The following EPM2AIP1 variants were observed in gnomAD, a reference collection of about 807,000 sequenced individuals.
The protein encoded by EPM2AIP1 is EPM2A interacting protein 1, also known as EPM2A-interacting protein 1.
A neutral mutation model predicts 44.8 loss-of-function variants in EPM2AIP1; 23 were observed. The observed-to-expected ratio is 0.51, with a 90% CI of 0.37 to 0.73. The LOEUF (loss-of-function observed/expected upper bound fraction) is 0.73. EPM2AIP1 is among the 30% of genes least tolerant of loss of function. The pLI, the probability that EPM2AIP1 is intolerant of heterozygous loss-of-function variation, is 0.00. For synonymous variants in EPM2AIP1, 311 were observed against 284.3 expected (o/e 1.09, Z -0.94); for missense variants, 652 against 743.9 (o/e 0.88, Z 1.44).
rs1296808796 is a variant in EPM2AIP1, at chr3:36,987,873, G to A, written c.*3381C>T. The stretch of plus-strand genomic sequence containing the variant: ...TAAAACACTACACAAATATTCGTTT[G>A]TCCAAACATTTATTGAAATGCCAGG... On this transcript the variant is annotated 3_prime_UTR_variant, in exon 1 of 1. Transcript: ENST00000322716. 6.6e-6 allele frequency: 1 copy of A among 152,208 alleles called. No individual in the cohort carries two copies. Among genetic ancestry groups the A allele is most frequent in the African/African-American group, 2.4e-5 (1 of 41,458 alleles). The allele number at this position is 152,208 out of a possible 1,614,324, so 9.4% of individuals were successfully genotyped here.
rs2125687179 is a variant in EPM2AIP1 at position 36,987,126 on chromosome 3, TGTAA to T, written c.*4124_*4127del. 1 of 152,686 alleles carries T rather than the reference TGTAA, an allele frequency of 6.5e-6. No homozygotes were observed. Among genetic ancestry groups the T allele is most frequent in the African/African-American group, 2.4e-5 (1 of 41,540 alleles). The allele number at this position is 152,686 out of a possible 1,614,324, so 9.5% of individuals were successfully genotyped here. ...TTGGGTGATAAGGACATTCTGCAGGTGTAAAAACAAGTGAACTGAATATATAGTG... is the reference window on the plus strand; with the variant it reads ...TTGGGTGATAAGGACATTCTGCAGGTAAACAAGTGAACTGAATATATAGTG... On this transcript the variant is annotated 3_prime_UTR_variant, in exon 1 of 1. Coordinates refer to ENST00000322716, the MANE Select transcript of EPM2AIP1 (RefSeq NM_014805.4).
In EPM2AIP1 at chr3:36,990,824, G is replaced by C. The variant is rs1323073091; in HGVS notation, c.*430C>G. 1.0e-6 allele frequency: 1 copy of C among 986,208 alleles called. No individual in the cohort carries two copies. Among genetic ancestry groups the C allele is most frequent in the Non-Finnish European group, 1.2e-6 (1 of 830,550 alleles). The allele number at this position is 986,208 out of a possible 1,614,324, so 61.1% of individuals were successfully genotyped here. A position where few individuals can be genotyped will look rare whatever the true frequency, so the allele number is the denominator to read the frequency against. ...TTGGAAACTTATGAACTTGCTATGT[G>C]AGCTTCTGCAAATTGGTTCAAAAGC... On this transcript the variant is annotated 3_prime_UTR_variant, in exon 1 of 1. Coordinates refer to ENST00000322716, the MANE Select transcript of EPM2AIP1 (RefSeq NM_014805.4).
At position 36,986,582 on chromosome 3, in the gene EPM2AIP1, A is replaced by T. The variant is rs961801057; in HGVS notation, c.*4672T>A. ...GACTGCTTGAGTCCAGGAATTCGAG[A>T]CTAGCCTGGGGAATACAGCAAGACC... On this transcript the variant is annotated 3_prime_UTR_variant, in exon 1 of 1. Coordinates refer to ENST00000322716, the MANE Select transcript of EPM2AIP1 (RefSeq NM_014805.4). The T allele has an allele frequency of 6.6e-6, 1 of 152,018 alleles. No homozygotes were observed. The highest frequency in any genetic ancestry group is 2.4e-5 in the African/African-American group (1 of 41,340). The allele number at this position is 152,018 out of a possible 1,614,324, so 9.4% of individuals were successfully genotyped here.
In EPM2AIP1 at chr3:36,987,554, T is replaced by C; in HGVS notation, c.*3700A>G. On this transcript the variant is annotated 3_prime_UTR_variant, in exon 1 of 1. Coordinates refer to ENST00000322716, the MANE Select transcript of EPM2AIP1 (RefSeq NM_014805.4). ...GTGGATTTGGTGTGTATATTTGGTT[T>C]TGAATCCTGAGTTTACTACTTACTG... 6.6e-6 allele frequency: 1 copy of C among 152,152 alleles called. No individual in the cohort carries two copies. The allele number at this position is 152,152 out of a possible 1,614,324, so 9.4% of individuals were successfully genotyped here.
rs745774663 is a variant in EPM2AIP1 at position 36,991,386 on chromosome 3, C to A, written c.1692G>T (p.Leu564Phe). ...NQICEKAFSYLTRNQHTLSQP... is the reference protein window; with the variant it reads ...NQICEKAFSYFTRNQHTLSQP... ...GACTCAAAGTGTGTTGGTTTCGAGT[C>A]AAATATGAAAAAGCCTTTTCACAGA... is the stretch of plus-strand genomic sequence containing the variant. Residue 564 changes from leucine (L) to phenylalanine (F), a missense_variant, in exon 1 of 1, where the codon TTG becomes TTT. Coordinates refer to ENST00000322716, the MANE Select transcript of EPM2AIP1 (RefSeq NM_014805.4). 3.1e-6 allele frequency: 5 copies of A among 1,613,906 alleles called. No individual in the cohort carries two copies. The highest frequency in any genetic ancestry group is 1.7e-5 in the Admixed American group (1 of 60,000).
chr3:36,991,190 C>G lies in EPM2AIP1; in HGVS notation c.*64G>C, dbSNP rs1559495572. 6.7e-6 allele frequency: 10 copies of G among 1,498,822 alleles called. No homozygotes were observed. Among genetic ancestry groups the G allele is most frequent in the Non-Finnish European group, 8.9e-6 (10 of 1,122,824 alleles). The allele number at this position is 1,498,822 out of a possible 1,614,324, so 92.8% of individuals were successfully genotyped here. On this transcript the variant is annotated 3_prime_UTR_variant, in exon 1 of 1. Coordinates refer to ENST00000322716, the MANE Select transcript of EPM2AIP1 (RefSeq NM_014805.4). ...ATCCAAATTAGTAAACTTGAAAACT[C>G]AAACCAATTTTTGCTTTTAGAATTA...
At position 36,990,730 on chromosome 3, in the gene EPM2AIP1, T is replaced by C; in HGVS notation, c.*524A>G. 1.0e-6 allele frequency: 1 copy of C among 985,664 alleles called. No individual in the cohort carries two copies. Among genetic ancestry groups the C allele is most frequent in the Non-Finnish European group, 1.2e-6 (1 of 829,900 alleles). The allele number at this position is 985,664 out of a possible 1,614,324, so 61.1% of individuals were successfully genotyped here. On this transcript the variant is annotated 3_prime_UTR_variant, in exon 1 of 1. Coordinates refer to ENST00000322716, the MANE Select transcript of EPM2AIP1 (RefSeq NM_014805.4). Reference sequence around the variant, plus strand: ...GTATTACCTTCGAACTCAGAAATGTTTAAAAAAAAGTCTCAAACATTTTGA... The same window carrying C: ...GTATTACCTTCGAACTCAGAAATGTCTAAAAAAAAGTCTCAAACATTTTGA...
chr3:36,988,454 G>A lies in EPM2AIP1; in HGVS notation c.*2800C>T, dbSNP rs1575364479. The A allele has an allele frequency of 1.3e-5, 2 of 152,114 alleles. No homozygotes were observed. 9.4% of individuals were successfully genotyped at this position (152,114 alleles called of 1,614,324 possible). On this transcript the variant is annotated 3_prime_UTR_variant, in exon 1 of 1. Transcript: ENST00000322716. ...AGCAAAGAGCATTTGTTAGCAATTA[G>A]ATACATCAATTAGGGAAGATCTAGA...
At position 36,988,989 on chromosome 3, in the gene EPM2AIP1, T is replaced by TTC. The variant is rs1272671930; in HGVS notation, c.*2264_*2265insGA. The stretch of plus-strand genomic sequence containing the variant: ...GTAAAATACACTTTTTTCTTTTTCT[T>TTC]TTTTTTTTTTTTTTTTTACAAACAA... On this transcript the variant is annotated 3_prime_UTR_variant, in exon 1 of 1. Coordinates refer to ENST00000322716, the MANE Select transcript of EPM2AIP1 (RefSeq NM_014805.4). The TTC allele has an allele frequency of 3.2e-5, 4 of 125,682 alleles. No individual in the cohort carries two copies. The highest frequency in any genetic ancestry group is 1.8e-4 in the African/African-American group (4 of 22,742). The allele number at this position is 125,682 out of a possible 1,614,324, so 7.8% of individuals were successfully genotyped here. A position where few individuals can be genotyped will look rare whatever the true frequency, so the allele number is the denominator to read the frequency against.
chr3:36,989,381 T>C lies in EPM2AIP1; in HGVS notation c.*1873A>G, dbSNP rs1459880930. The C allele has an allele frequency of 1.3e-5, 2 of 152,076 alleles. No homozygotes were observed. Among genetic ancestry groups the C allele is most frequent in the Non-Finnish European group, 2.9e-5 (2 of 68,016 alleles). 9.4% of individuals were successfully genotyped at this position (152,076 alleles called of 1,614,324 possible). A position where few individuals can be genotyped will look rare whatever the true frequency, so the allele number is the denominator to read the frequency against. On this transcript the variant is annotated 3_prime_UTR_variant, in exon 1 of 1. Coordinates refer to ENST00000322716, the MANE Select transcript of EPM2AIP1 (RefSeq NM_014805.4). ...TCTCAGCTTGACCATTCTTGATAAG[T>C]ACCTAATCGACATGTAACTTTTTTT...
chr3:36,992,749 A>G lies in EPM2AIP1; in HGVS notation c.329T>C (p.Leu110Ser), dbSNP rs1336904248. ...AGLGLCRLLA[L>S]KGRGWGEGDF... ...CCCCTCACCCCAGCCGCGACCCTTC[A>G]AGGCCAAGAGGCGGCAGAGCCCGAG... Residue 110 changes from leucine to serine, a missense_variant, in exon 1 of 1, where the codon TTG (leucine) becomes TCG (serine). Physicochemically the swap from Leu to Ser is moderately radical, Grantham distance 145 (BLOSUM62 -2). Transcript: ENST00000322716. This position sits in a 1 kb window ranked among gnomAD's most constrained non-coding sequence, Gnocchi z 5.3. 6 of 1,613,770 alleles carry G rather than the reference A, an allele frequency of 3.7e-6. No homozygotes were observed. The highest frequency in any genetic ancestry group is 5.1e-6 in the Non-Finnish European group (6 of 1,179,890).
At position 36,987,260 on chromosome 3, in the gene EPM2AIP1, G is replaced by C. The variant is rs1399673495; in HGVS notation, c.*3994C>G. 6.6e-6 allele frequency: 1 copy of C among 152,470 alleles called. No homozygotes were observed. The highest frequency in any genetic ancestry group is 1.5e-5 in the Non-Finnish European group (1 of 68,008). 9.4% of individuals were successfully genotyped at this position (152,470 alleles called of 1,614,324 possible). ...AAGGAAAGTAGCAAGTAAATAGCAT[G>C]CCATTTTCTCCTAGTGTTGATGCCT... On this transcript the variant is annotated 3_prime_UTR_variant, in exon 1 of 1. Transcript: ENST00000322716.
In EPM2AIP1 at chr3:36,988,275, G is replaced by A. The variant is rs2080780981; in HGVS notation, c.*2979C>T. The A allele has an allele frequency of 6.6e-6, 1 of 152,236 alleles. No individual in the cohort carries two copies. The highest frequency in any genetic ancestry group is 1.5e-5 in the Non-Finnish European group (1 of 68,030). The allele number at this position is 152,236 out of a possible 1,614,324, so 9.4% of individuals were successfully genotyped here. A position where few individuals can be genotyped will look rare whatever the true frequency, so the allele number is the denominator to read the frequency against. ...TAAGGAGGCTGTTGCTATAATTTAG[G>A]TAGGTTGATGGCCTGAATTAAAATG... On this transcript the variant is annotated 3_prime_UTR_variant, in exon 1 of 1. Coordinates refer to ENST00000322716, the MANE Select transcript of EPM2AIP1 (RefSeq NM_014805.4).
At position 36,987,927 on chromosome 3, in the gene EPM2AIP1, G is replaced by C. The variant is rs2080779138; in HGVS notation, c.*3327C>G. On this transcript the variant is annotated 3_prime_UTR_variant, in exon 1 of 1. Transcript: ENST00000322716. ...TGTGCTAAGCACTAGAGATATAACA[G>C]TGAACAAGGCTTATATGGTCCCTGC... The C allele has an allele frequency of 6.6e-6, 1 of 152,208 alleles. No homozygotes were observed. The highest frequency in any genetic ancestry group is 6.5e-5 in the Admixed American group (1 of 15,274). The allele number at this position is 152,208 out of a possible 1,614,324, so 9.4% of individuals were successfully genotyped here.
In EPM2AIP1 at chr3:36,992,255, C is replaced by G; in HGVS notation, c.823G>C (p.Val275Leu). Residue 275 changes from valine (V) to leucine (L), a missense_variant, in exon 1 of 1, where the codon GTC becomes CTC. By Grantham distance (32) the Val-to-Leu change is conservative. Transcript: ENST00000322716. This position sits in a 1 kb window ranked among gnomAD's most constrained non-coding sequence, Gnocchi z 5.3. ...TGAAGAAATCCTGAATAATGAATGA[C>G]ATTCCAACAGTTGGGGCTTACGGCC... The part of the protein sequence containing the change: ...EKAVSPNCWN[V>L]IHYSGFLHLE... The G allele has an allele frequency of 6.2e-7, 1 of 1,614,014 alleles. No homozygotes were observed. The highest frequency in any genetic ancestry group is 8.5e-7 in the Non-Finnish European group (1 of 1,179,894).
chr3:36,991,037 C>A lies in EPM2AIP1; in HGVS notation c.*217G>T, dbSNP rs531433488. 7 of 1,245,274 alleles carry A rather than the reference C, an allele frequency of 5.6e-6. No homozygotes were observed. Among genetic ancestry groups the A allele is most frequent in the Non-Finnish European group, 6.0e-6 (6 of 993,328 alleles). The allele number at this position is 1,245,274 out of a possible 1,614,324, so 77.1% of individuals were successfully genotyped here. Reference sequence around the variant, plus strand: ...AAAAGACAATGACTTTGTCACTAAACTAAGTTTTAAAAAAGGTGGCATTCT... The same window carrying A: ...AAAAGACAATGACTTTGTCACTAAAATAAGTTTTAAAAAAGGTGGCATTCT... On this transcript the variant is annotated 3_prime_UTR_variant, in exon 1 of 1. Transcript: ENST00000322716.
In EPM2AIP1 at chr3:36,988,809, G is replaced by A. The variant is rs746727708; in HGVS notation, c.*2445C>T. ...CTGTCAAGAAAACTAGTAGGAATGA[G>A]CTATAGGACAGTAACTGGTAAGGAC... is the stretch of plus-strand genomic sequence containing the variant. On this transcript the variant is annotated 3_prime_UTR_variant, in exon 1 of 1. Coordinates refer to ENST00000322716, the MANE Select transcript of EPM2AIP1 (RefSeq NM_014805.4). The A allele has an allele frequency of 6.6e-6, 1 of 151,620 alleles. No homozygotes were observed. Among genetic ancestry groups the A allele is most frequent in the Non-Finnish European group, 1.5e-5 (1 of 67,942 alleles). 9.4% of individuals were successfully genotyped at this position (151,620 alleles called of 1,614,324 possible). A position where few individuals can be genotyped will look rare whatever the true frequency, so the allele number is the denominator to read the frequency against.
In EPM2AIP1 at chr3:36,991,453, C is replaced by T; in HGVS notation, c.1625G>A (p.Gly542Glu). Residue 542 changes from glycine to glutamate, a missense_variant, in exon 1 of 1, where the codon GGG becomes GAG. Gly to Glu is a moderately conservative substitution (Grantham distance 98, BLOSUM62 -2). Transcript: ENST00000322716. Reference sequence around the variant, plus strand: ...CAAGGATGCCACCTTACAGGCAACCCCTTTGATAATTGGGTAGGATTCAGC... The same window carrying T: ...CAAGGATGCCACCTTACAGGCAACCTCTTTGATAATTGGGTAGGATTCAGC... ...LSAESYPIIK[G>E]VACKVASLFD... 3 of 1,613,892 alleles carry T rather than the reference C, an allele frequency of 1.9e-6. No homozygotes were observed. The highest frequency in any genetic ancestry group is 2.5e-6 in the Non-Finnish European group (3 of 1,179,830).
At position 36,989,520 on chromosome 3, in the gene EPM2AIP1, TTA is replaced by T. The variant is rs2125687916; in HGVS notation, c.*1732_*1733del. 6.6e-6 allele frequency: 1 copy of T among 152,038 alleles called. No individual in the cohort carries two copies. The highest frequency in any genetic ancestry group is 1.5e-5 in the Non-Finnish European group (1 of 67,958). The allele number at this position is 152,038 out of a possible 1,614,324, so 9.4% of individuals were successfully genotyped here. A position where few individuals can be genotyped will look rare whatever the true frequency, so the allele number is the denominator to read the frequency against. ...AACTTATCAATGCCTTTATTGCACT[TTA>T]CTAGCCAAATTTAGAAGGTTGGAAT... On this transcript the variant is annotated 3_prime_UTR_variant, in exon 1 of 1. Coordinates refer to ENST00000322716, the MANE Select transcript of EPM2AIP1 (RefSeq NM_014805.4).
Sources: allele counts gnomAD v4.1 joint callset, GRCh38; gene constraint gnomAD v4.1.1; non-coding constraint Gnocchi (gnomAD v3.1); transcripts MANE v1.5; gene names NCBI Gene and HGNC (gene_info 2026-07-23, HGNC 2026-07-21).